Variants in WDPCP observed in about 807,000 individuals in gnomAD.
The protein encoded by WDPCP is WD repeat-containing and planar cell polarity effector protein fritz homolog.
In WDPCP, 71 loss-of-function variants were observed where a neutral mutation model predicts 93.1. The ratio of observed to expected loss-of-function variants is 0.76; its 90% confidence interval spans 0.63 to 0.93. The LOEUF is 0.93. Ranked by LOEUF, WDPCP falls within the 40% of genes least tolerant of loss-of-function variation. WDPCP has a pLI of 0.00. For synonymous variants in WDPCP, 315 were observed against 315.0 expected, an observed-to-expected ratio of 1.00 and a Z score of 0.00; for missense variants, 844 against 887.4, an observed-to-expected ratio of 0.95 and a Z score of 0.62.
rs539629003 is a variant in WDPCP, at chr2:63,685,915, G to T, written n.309-35077C>A. ...TTGATACAATTCAACATAACTTCAT[G>T]ATAAGAACCCTCAAAAAACTGGGTA... On this transcript the variant is annotated intron_variant and non_coding_transcript_variant, in intron 2 of 4. Transcript: ENST00000467687. Among the ~76,000 whole-genome samples, 3 of 152,256 alleles carry T rather than the reference G, an allele frequency of 2.0e-5. No homozygotes were observed. The South Asian group carries it at 6.2e-4, about 32-fold the overall frequency.
At chr2:63,494,563 A>G (rs1701101318) in intron 1 of WDPCP, among the ~76,000 whole-genome samples, 1 of 151,984 alleles carries the variant, frequency 6.6e-6, no homozygotes, top group South Asian at 2.1e-4. Context: ...CAACCACAGT[A>G]CTCTACCGTA....
intron 2 of WDPCP, among the ~76,000 whole-genome samples, chr2:63,700,618 G>C (rs1210882224): frequency 6.6e-6 from 1 of 151,316 alleles, no homozygotes; most frequent in Non-Finnish European, 1.5e-5. Context: ...TTTTTCTCTC[G>C]CATACAGTGT....
chr2:63,538,034 T>C (rs1461592352), intron 1 of WDPCP, among the ~76,000 whole-genome samples: 1 of 152,104 alleles, frequency 6.6e-6, no homozygotes, highest in Non-Finnish European at 1.5e-5. Context: ...TCTTATAATA[T>C]GCGCTAAAAA....
At chr2:63,485,144 T>C (rs1700494104) in intron 4 of WDPCP, among the ~76,000 whole-genome samples, 157 bp from the exon 5 acceptor site, 1 of 151,898 alleles carries the variant, frequency 6.6e-6, no homozygotes, top group Admixed American at 6.6e-5. Context: ...ATGAAAGGCT[T>C]TGTCATAGGA....
chr2:63,619,906 G>C (rs1709713925), intron 3 of WDPCP, among the ~76,000 whole-genome samples: 1 of 152,204 alleles, frequency 6.6e-6, no homozygotes, highest in African/African-American at 2.4e-5. Context: ...GCCTCACCTG[G>C]GAAGCGCAAG....
intron 12 of WDPCP, among the ~76,000 whole-genome samples, chr2:63,345,559 T>C (rs990540086): frequency 2.0e-5 from 3 of 152,174 alleles, no homozygotes; most frequent in Admixed American, 1.3e-4. Context: ...CTCTGGTAGC[T>C]CACAGAGGTT....
chr2:63,526,080 T>TACAC lies in WDPCP; in HGVS notation c.76-33144_76-33141dup, dbSNP rs1553421438. Among the ~76,000 whole-genome samples the TACAC allele has an allele frequency of 3.3e-5, 5 of 151,688 alleles. No homozygotes were observed. In the East Asian group the frequency reaches 9.8e-4, roughly 30 times the overall value. ...CTGTGTGTGTGTGTGTGTGTGTGTG[T>TACAC]ACACACACATACATGTGCTCTCCCA... On this transcript the variant is annotated intron_variant, in intron 1 of 17. Transcript: ENST00000272321.
At chr2:63,358,760 T>C (rs990930666) in intron 12 of WDPCP, among the ~76,000 whole-genome samples, 2 of 152,156 alleles carry the variant, frequency 1.3e-5, no homozygotes, top group African/African-American at 4.8e-5. Context: ...TGGCCTCCAA[T>C]GCTCTCTTAA....
At chr2:63,765,357 C>T (rs973558980) in intron 2 of WDPCP, among the ~76,000 whole-genome samples, 1 of 152,078 alleles carries the variant, frequency 6.6e-6, no homozygotes, top group Non-Finnish European at 1.5e-5. Context: ...TTGAGGCCAG[C>T]GGGCTTAAGC....
chr2:63,123,936 A>G (rs998707006), intron 17 of WDPCP, among the ~76,000 whole-genome samples: 3 of 151,118 alleles, frequency 2.0e-5, no homozygotes, highest in Admixed American at 1.3e-4. Flanking sequence ...TAACACTTCA[A>G]AACTTTTTAA....
In WDPCP at chr2:63,433,901, C is replaced by T; in HGVS notation, c.669G>A (p.Lys223=). Residue 223 remains lysine, a synonymous_variant, in exon 9 of 18, where the codon AAG becomes AAA. Transcript: ENST00000272321. ...TGATAGCTAGATGTCGCTCTGTTGT[C>T]TTGTTTATTGGGCCGGGTATTTCAT... is the stretch of plus-strand genomic sequence containing the variant. ...FYYEIPGPIN[K]TTERHLAINC... 2 of 1,613,808 alleles carry T rather than the reference C, an allele frequency of 1.2e-6. No individual in the cohort carries two copies. The highest frequency in any genetic ancestry group is 2.2e-5 in the South Asian group (2 of 91,060).
intron 12 of WDPCP, among the ~76,000 whole-genome samples, chr2:63,334,338 A>T (rs375944634): frequency 9.8e-5 from 15 of 152,288 alleles, no homozygotes; most frequent in African/African-American, 3.1e-4. Context: ...AGGTTCTGAT[A>T]TGTGCCCAAG....
At chr2:63,341,014 G>T (rs1249398226) in intron 12 of WDPCP, among the ~76,000 whole-genome samples, 1 of 152,086 alleles carries the variant, frequency 6.6e-6, no homozygotes, top group Non-Finnish European at 1.5e-5. Flanking sequence ...CCTCTTAAGA[G>T]TCTTTTGTTT....
chr2:63,743,224 C>T (rs1231400688), intron 2 of WDPCP, among the ~76,000 whole-genome samples: 1 of 152,064 alleles, frequency 6.6e-6, no homozygotes, highest in Non-Finnish European at 1.5e-5. Context: ...TAAATGAGCT[C>T]TGTGATAAGG....
intron 2 of WDPCP, among the ~76,000 whole-genome samples, chr2:63,673,868 A>G (rs941287707): frequency 2.0e-5 from 3 of 152,172 alleles, no homozygotes; most frequent in African/African-American, 7.2e-5. Flanking sequence ...CAATCTTACC[A>G]AATGTTTTTC....
In WDPCP at chr2:63,292,081, C is replaced by T. The variant is rs557697807; in HGVS notation, c.1812+21167G>A. Among the ~76,000 whole-genome samples the T allele has an allele frequency of 2.6e-3, 370 of 139,938 alleles. 4 individuals are homozygous for T. Among genetic ancestry groups the T allele is most frequent in the Middle Eastern group, 8.1e-3 (2 of 246 alleles). 91.8% of individuals were successfully genotyped at this position (139,938 alleles called of 152,430 possible). ...CCGGGAGGTGGAGCTTGCAGTGAGC[C>T]GAGATCGCGCCACTGCACTCCAGCC... On this transcript the variant is annotated intron_variant, in intron 13 of 17. Coordinates refer to ENST00000272321, the MANE Select transcript of WDPCP (RefSeq NM_015910.7).
chr2:63,404,822 A>G (rs985322082), intron 9 of WDPCP, among the ~76,000 whole-genome samples, 165 bp from the exon 10 acceptor site: 1 of 152,204 alleles, frequency 6.6e-6, no homozygotes, highest in Non-Finnish European at 1.5e-5. Context: ...TCTATCTCAT[A>G]TACAGCATGT....
At chr2:63,607,647 G>A (rs932963579) in intron 3 of WDPCP, among the ~76,000 whole-genome samples, 2 of 150,522 alleles carry the variant, frequency 1.3e-5, no homozygotes, top group South Asian at 2.1e-4. Flanking sequence ...TGGCTGACGC[G>A]GTGAAACCCC....
At chr2:63,393,066 C>T (rs1179153061) in intron 10 of WDPCP, among the ~76,000 whole-genome samples, 3 of 152,154 alleles carry the variant, frequency 2.0e-5, no homozygotes, top group Non-Finnish European at 4.4e-5. Context: ...ATAAATCATG[C>T]TACTATAAAG....
Sources: gnomAD v4.1 joint callset for allele counts (sites outside exome capture counted in the v4.1 genomes callset) on GRCh38, gnomAD v4.1.1 for gene constraint, MANE v1.5 for transcripts, NCBI Gene and HGNC (gene_info 2026-07-23, HGNC 2026-07-21) for gene names.